Variants in CORO2B observed in about 807,000 individuals in gnomAD.
CORO2B encodes coronin 2B.
A neutral mutation model predicts 58.8 loss-of-function variants in CORO2B; 26 were observed. The ratio of observed to expected loss-of-function variants is 0.44; its 90% CI spans 0.32 to 0.61. The LOEUF is 0.61. Among genes scored for constraint, CORO2B ranks in the 20% least tolerant of loss-of-function variants. The pLI is 0.04. For missense variants in CORO2B, 460 were observed against 645.1 expected, an observed-to-expected ratio of 0.71 and a Z score of 3.11; for synonymous variants, 242 against 253.8, an observed-to-expected ratio of 0.95 and a Z score of 0.44.
At chr15:68,650,335 C>A (rs1901593807) in intron 2 of CORO2B, among the ~76,000 whole-genome samples, 1 of 131,264 alleles carries the variant, frequency 7.6e-6, no homozygotes, top group Admixed American at 7.9e-5. Context: ...CCAGCCTGGG[C>A]AACAAGAGCG....
the CORO2B span, among the ~76,000 whole-genome samples, chr15:68,548,938 C>T: frequency 6.6e-6 from 1 of 151,978 alleles, no homozygotes; most frequent in Non-Finnish European, 1.5e-5. Flanking sequence ...TATCACAGTC[C>T]CTTGTTGATT....
At chr15:68,603,048 A>G (rs1900022764) in intron 1 of CORO2B, among the ~76,000 whole-genome samples, 1 of 152,156 alleles carries the variant, frequency 6.6e-6, no homozygotes, top group Non-Finnish European at 1.5e-5. Context: ...CTGCTCAAGG[A>G]TGGGTCTGTC....
intron 2 of CORO2B, among the ~76,000 whole-genome samples, chr15:68,680,669 A>G (rs1228182777): frequency 2.6e-5 from 4 of 152,188 alleles, no homozygotes; most frequent in Non-Finnish European, 5.9e-5. Flanking sequence ...ACCACCCTGC[A>G]TGGAGCTTAC....
chr15:68,704,437 G>A (rs1892735031), intron 3 of CORO2B, among the ~76,000 whole-genome samples: 1 of 152,072 alleles, frequency 6.6e-6, no homozygotes, highest in Admixed American at 6.6e-5. Context: ...TTACAGGTAT[G>A]AAGACAGATG....
At chr15:68,689,290 G>A (rs534121469) in intron 2 of CORO2B, among the ~76,000 whole-genome samples, 37 of 151,740 alleles carry the variant, frequency 2.4e-4, no homozygotes, top group African/African-American at 8.5e-4. Context: ...GTTCTCTGAG[G>A]TTCTCTAACC....
chr15:68,616,848 A>G (rs1203861391), intron 1 of CORO2B, among the ~76,000 whole-genome samples: 1 of 152,168 alleles, frequency 6.6e-6, no homozygotes, highest in Admixed American at 6.5e-5. Flanking sequence ...ATTAATTCCA[A>G]CTGCATGGAT....
chr15:68,598,243 G>A (rs1899890494), intron 1 of CORO2B, among the ~76,000 whole-genome samples: 2 of 152,220 alleles, frequency 1.3e-5, no homozygotes, highest in South Asian at 2.1e-4. Flanking sequence ...GGGGTGTCCC[G>A]GCTCTCAGGG....
chr15:68,599,959 A>C (rs1595960306), intron 1 of CORO2B, among the ~76,000 whole-genome samples: 1 of 152,012 alleles, frequency 6.6e-6, no homozygotes, highest in African/African-American at 2.4e-5. Flanking sequence ...TGCCCCTCCC[A>C]CCCCTTGGTG....
chr15:68,622,073 C>T (rs540604690), intron 1 of CORO2B, among the ~76,000 whole-genome samples: 1 of 152,270 alleles, frequency 6.6e-6, no homozygotes, highest in South Asian at 2.1e-4. Flanking sequence ...ACTATTTGAC[C>T]TTCTGAGTCT....
chr15:68,547,366 G>T, the CORO2B span, among the ~76,000 whole-genome samples: 1 of 152,152 alleles, frequency 6.6e-6, no homozygotes, highest in African/African-American at 2.4e-5. Flanking sequence ...AATAGAGCAA[G>T]AAAGTTTATA....
chr15:68,694,085 C>T (rs973666702), intron 2 of CORO2B, among the ~76,000 whole-genome samples: 1 of 152,168 alleles, frequency 6.6e-6, no homozygotes, highest in African/African-American at 2.4e-5. Context: ...ATCTGCCCGC[C>T]TTGGCCTCCC....
chr15:68,636,701 C>G (rs1458771067), intron 1 of CORO2B, among the ~76,000 whole-genome samples: 1 of 152,222 alleles, frequency 6.6e-6, no homozygotes, highest in Non-Finnish European at 1.5e-5. Flanking sequence ...AGATCATGGC[C>G]TTCCTAAGTC....
intron 1 of CORO2B, among the ~76,000 whole-genome samples, chr15:68,602,981 T>C (rs1458659220): frequency 1.3e-5 from 2 of 152,146 alleles, no homozygotes; most frequent in African/African-American, 2.4e-5. Flanking sequence ...AGAAACAGCT[T>C]CCACACTGGC....
chr15:68,559,694 G>A, the CORO2B span: 2 of 935,386 alleles, frequency 2.1e-6, no homozygotes, highest in African/African-American at 3.6e-5. This position sits in a 1 kb window ranked among gnomAD's most constrained non-coding sequence, Gnocchi z 4.3. Flanking sequence ...TTGGTGCAGT[G>A]CTCTCTGGGG....
At chr15:68,539,565 C>T in the CORO2B span, among the ~76,000 whole-genome samples, 1 of 146,322 alleles carries the variant, frequency 6.8e-6, no homozygotes, top group Non-Finnish European at 1.6e-5. Flanking sequence ...GTCCCAGCTA[C>T]TCAGGGGGCT....
the CORO2B span, among the ~76,000 whole-genome samples, chr15:68,521,904 A>G: frequency 3.3e-5 from 5 of 152,104 alleles, no homozygotes; most frequent in Non-Finnish European, 2.9e-5. Flanking sequence ...CCCGTCTCCA[A>G]TGAAAAAAAT....
At chr15:68,591,218 C>T (rs1562162) in intron 1 of CORO2B, among the ~76,000 whole-genome samples, 2 of 152,170 alleles carry the variant, frequency 1.3e-5, no homozygotes, top group Non-Finnish European at 2.9e-5. Context: ...GCTGGGCAGG[C>T]CAAGGAAGCT....
chr15:68,716,591 C>T (rs1212457052), intron 8 of CORO2B, among the ~76,000 whole-genome samples: 1 of 152,188 alleles, frequency 6.6e-6, no homozygotes, highest in Non-Finnish European at 1.5e-5. Flanking sequence ...GAGTTCTAGG[C>T]AGAGAGTCAA....
chr15:68,723,928 G>A (rs1055147982), intron 11 of CORO2B, among the ~76,000 whole-genome samples: 2 of 152,066 alleles, frequency 1.3e-5, no homozygotes, highest in African/African-American at 4.8e-5. Flanking sequence ...AAAGTAGGCC[G>A]GGGTGGTGGC....
Sources: gnomAD v4.1 joint callset for allele counts (sites outside exome capture counted in the v4.1 genomes callset) on GRCh38, gnomAD v4.1.1 for gene constraint, Gnocchi (gnomAD v3.1) non-coding constraint, MANE v1.5 for transcripts, NCBI Gene and HGNC (gene_info 2026-07-23, HGNC 2026-07-21) for gene names.